The following REPS1 variants were observed in gnomAD, a reference collection of about 807,000 sequenced individuals.
The protein encoded by REPS1 is ralBP1-associated Eps domain-containing protein 1.
REPS1 carries 39 observed loss-of-function variants against 100.9 expected under a neutral mutation model. The observed-to-expected ratio is 0.39, with a 90% CI of 0.30 to 0.50. The LOEUF is 0.50. Ranked by LOEUF, REPS1 falls within the 20% of genes least tolerant of loss-of-function variation. REPS1 has a pLI of 0.86. For synonymous variants in REPS1, 324 were observed against 340.3 expected (o/e 0.95, Z 0.53); for missense variants, 821 against 968.5 (o/e 0.85, Z 2.02).
chr6:138,942,855 A>G (rs1782354593), intron 7 of REPS1, among the ~76,000 whole-genome samples: 1 of 152,094 alleles, frequency 6.6e-6, no homozygotes, highest in Non-Finnish European at 1.5e-5. Flanking sequence ...CCCAGGTTCA[A>G]GCGAATCTCG....
rs1289622444 is a variant in REPS1 at position 138,987,908 on chromosome 6, GCGGCTGCGGCTGCGGCTGCGACTA to G, written c.-250_-227del. 3 of 373,860 alleles carry G rather than the reference GCGGCTGCGGCTGCGGCTGCGACTA, an allele frequency of 8.0e-6. No individual in the cohort carries two copies. Among genetic ancestry groups the G allele is most frequent in the Non-Finnish European group, 9.3e-6 (2 of 214,458 alleles). The allele number at this position is 373,860 out of a possible 1,614,324, so 23.2% of individuals were successfully genotyped here. On this transcript the variant is annotated 5_prime_UTR_variant, in exon 1 of 20. Transcript: ENST00000450536. ...CGCCGCTGCCTGCGAGGCCCGGCGC[GCGGCTGCGGCTGCGGCTGCGACTA>G]CGGCTCCGGCTCCGGCTCCGGCTCC...
At position 138,929,723 on chromosome 6, in the gene REPS1, G is replaced by A. The variant is rs1285842966; in HGVS notation, c.1257+254C>T. On this transcript the variant is annotated intron_variant, in intron 9 of 19. Coordinates refer to ENST00000450536, the MANE Select transcript of REPS1 (RefSeq NM_001286611.2). ...TGGCCAAGTCATTTACCTTTTGATG[G>A]TTAAACTTTCTGAATCTGCCTCTCT... 10 of 301,514 alleles carry A rather than the reference G, an allele frequency of 3.3e-5. No individual in the cohort carries two copies. In the South Asian group the frequency reaches 5.8e-4, roughly 17 times the overall value. 18.7% of individuals were successfully genotyped at this position (301,514 alleles called of 1,614,324 possible). A position where few individuals can be genotyped will look rare whatever the true frequency, so the allele number is the denominator to read the frequency against.
chr6:138,929,184 G>C (rs1781333269), intron 9 of REPS1: 1 of 152,164 alleles, frequency 6.6e-6, no homozygotes, highest in Non-Finnish European at 1.5e-5. Flanking sequence ...AACGTAACTT[G>C]TTCACAAAGA....
At chr6:138,962,787 A>G (rs1783813517) in intron 1 of REPS1, among the ~76,000 whole-genome samples, 1 of 152,164 alleles carries the variant, frequency 6.6e-6, no homozygotes, top group South Asian at 2.1e-4. Flanking sequence ...AGTCCAGAGA[A>G]TAAGGAAGGC....
intron 9 of REPS1, chr6:138,927,694 C>T (rs942586936): frequency 3.3e-5 from 5 of 152,168 alleles, no homozygotes; most frequent in Admixed American, 2.6e-4. Context: ...TACAATAATT[C>T]AACGACTTTT....
At chr6:138,939,258 GA>G (rs749122727) in intron 8 of REPS1, among the ~76,000 whole-genome samples, 6 of 150,950 alleles carry the variant, frequency 4.0e-5, no homozygotes, top group Non-Finnish European at 7.4e-5. Flanking sequence ...AATTTGGTCA[GA>G]AAACCATATG....
At chr6:138,933,866 A>G (rs1212843659) in intron 8 of REPS1, among the ~76,000 whole-genome samples, 1 of 152,194 alleles carries the variant, frequency 6.6e-6, no homozygotes, top group African/African-American at 2.4e-5. Flanking sequence ...TGGGGTCCAC[A>G]AATTTTAAGA....
intron 1 of REPS1, among the ~76,000 whole-genome samples, chr6:138,975,948 T>C (rs114550231): frequency 1.6e-3 from 243 of 152,324 alleles, no homozygotes; most frequent in African/African-American, 5.4e-3. Flanking sequence ...AAGCACTAAC[T>C]GGAGATTCAA....
At chr6:138,944,645 T>G (rs768947287) in intron 4 of REPS1, 23 bp from the exon 5 acceptor site, 1 of 1,596,728 alleles carries the variant, frequency 6.3e-7, no homozygotes, top group East Asian at 2.2e-5. Flanking sequence ...TGGGTAAACA[T>G]GCTGACTCAT....
chr6:138,938,934 G>A (rs1160694810), intron 8 of REPS1, among the ~76,000 whole-genome samples: 3 of 150,722 alleles, frequency 2.0e-5, no homozygotes, highest in Non-Finnish European at 4.4e-5. Context: ...TGCAACCTCC[G>A]CCTCCTGGGT....
At chr6:138,965,498 A>G (rs1254103413) in intron 1 of REPS1, among the ~76,000 whole-genome samples, 2 of 152,182 alleles carry the variant, frequency 1.3e-5, no homozygotes, top group Non-Finnish European at 2.9e-5. Context: ...AGAAAATACG[A>G]TAGGGTATGG....
At position 138,908,713 on chromosome 6, in the gene REPS1, G is replaced by A. The variant is rs201485985; in HGVS notation, c.2171C>T (p.Thr724Met). ...TGCAAGAACAGCAGCTAAGACACCC[G>A]TCTTTTGTGTATGTTCATCAACTTC... Reference protein sequence around the residue: ...RPEVDEHTQKTGVLAAVLASQ... With the variant: ...RPEVDEHTQKMGVLAAVLASQ... The change falls in exon 18 of 20, where the codon ACG becomes ATG. Residue 724 changes from threonine (T) to methionine (M), a missense_variant. Thr to Met is a moderately conservative substitution (Grantham distance 81). Coordinates refer to ENST00000450536, the MANE Select transcript of REPS1 (RefSeq NM_001286611.2). 263 of 1,613,984 alleles carry A rather than the reference G, an allele frequency of 1.6e-4. No homozygotes were observed. The highest frequency in any genetic ancestry group is 1.6e-4 in the Middle Eastern group (1 of 6,080).
intron 12 of REPS1, among the ~76,000 whole-genome samples, chr6:138,918,089 A>G (rs1406595): frequency 0.09 from 13,303 of 147,476 alleles, 1,209 homozygotes; most frequent in African/African-American, 0.24. Flanking sequence ...GTGTGTGTGT[A>G]TGTTTGTGTG....
intron 1 of REPS1, among the ~76,000 whole-genome samples, chr6:138,962,862 G>A (rs1036284874): frequency 6.6e-6 from 1 of 152,152 alleles, no homozygotes; most frequent in Non-Finnish European, 1.5e-5. Context: ...TTGTTGGTTG[G>A]ATGAATGAAA....
At chr6:138,913,413 T>C (rs540976449) in intron 15 of REPS1, among the ~76,000 whole-genome samples, 19 of 152,302 alleles carry the variant, frequency 1.2e-4, no homozygotes, top group Middle Eastern at 3.4e-3. Context: ...AACACTTCCC[T>C]TCAATTCATC....
intron 1 of REPS1, among the ~76,000 whole-genome samples, chr6:138,984,078 CTTT>C (rs748774209): frequency 2.2e-5 from 3 of 134,428 alleles, no homozygotes; most frequent in African/African-American, 8.5e-5. Flanking sequence ...CTCTCTCTCT[CTTT>C]TTTTTTTTTT....
chr6:138,929,714 C>T, intron 9 of REPS1: 1 of 293,558 alleles, frequency 3.4e-6, no homozygotes, highest in Non-Finnish European at 6.5e-6. Flanking sequence ...AGTCATTTAC[C>T]TTTTGATGGT....
chr6:138,938,696 T>G (rs1306852687), intron 8 of REPS1, among the ~76,000 whole-genome samples: 1 of 152,132 alleles, frequency 6.6e-6, no homozygotes, highest in Non-Finnish European at 1.5e-5. Flanking sequence ...TAGAAAATGC[T>G]ATGAGAGATC....
At chr6:138,975,191 T>C (rs1255487339) in intron 1 of REPS1, among the ~76,000 whole-genome samples, 1 of 152,006 alleles carries the variant, frequency 6.6e-6, no homozygotes, top group African/African-American at 2.4e-5. Flanking sequence ...CACATTATCT[T>C]CTCCCCAAAC....
Sources: allele counts gnomAD v4.1 joint callset (sites outside exome capture counted in the v4.1 genomes callset), GRCh38; gene constraint gnomAD v4.1.1; transcripts MANE v1.5; gene names NCBI Gene and HGNC (gene_info 2026-07-23, HGNC 2026-07-21).